CFAP299: variants seen among roughly 807,000 people sequenced by gnomAD.
CFAP299 encodes the protein cilia and flagella associated protein 299.
In CFAP299, 21 loss-of-function variants were observed where a neutral mutation model predicts 27.0. The ratio of observed to expected loss-of-function variants is 0.78; its 90% CI spans 0.55 to 1.12. The LOEUF is 1.12. Among genes scored for constraint, CFAP299 ranks in the 50% most tolerant of loss-of-function variants. CFAP299 has a pLI of 0.00. For synonymous variants in CFAP299, 104 were observed against 98.1 expected (o/e 1.06, Z -0.36); for missense variants, 310 against 276.6 (o/e 1.12, Z -0.86).
intron 2 of CFAP299, among the ~76,000 whole-genome samples, chr4:80,558,354 G>GTTTTTTTTTTT (rs1159652533): frequency 1.6e-5 from 2 of 126,444 alleles, no homozygotes; most frequent in African/African-American, 6.6e-5. Context: ...TTGTTTGTTT[G>GTTTTTTTTTTT]TTTGTTTGTT....
intron 4 of CFAP299, among the ~76,000 whole-genome samples, chr4:80,905,913 C>T (rs1168754088): frequency 6.6e-6 from 1 of 152,124 alleles, no homozygotes; most frequent in Non-Finnish European, 1.5e-5. Flanking sequence ...CCACCCTTGG[C>T]CCCTTCCAAA....
At chr4:80,687,284 C>T (rs192737140) in intron 3 of CFAP299, among the ~76,000 whole-genome samples, 164 of 152,332 alleles carry the variant, frequency 1.1e-3, no homozygotes, top group Non-Finnish European at 1.7e-3. Context: ...AGCTCTACCA[C>T]TCGTGATCTC....
chr4:80,488,687 A>G (rs370111588), intron 2 of CFAP299, among the ~76,000 whole-genome samples: 2 of 152,294 alleles, frequency 1.3e-5, no homozygotes, highest in Admixed American at 6.5e-5. Flanking sequence ...CGTGTTAGCC[A>G]GGATGGTCTC....
intron 2 of CFAP299, among the ~76,000 whole-genome samples, chr4:80,480,673 A>C (rs996215950): frequency 1.3e-5 from 2 of 152,020 alleles, no homozygotes; most frequent in Non-Finnish European, 2.9e-5. Flanking sequence ...TAATTTACTC[A>C]TAACAACTGG....
In CFAP299 at chr4:80,777,118, C is replaced by CA. The variant is rs113058648; in HGVS notation, c.334-92870dup. ...CCAGATTGCAGTTTTCAGGTGTGAT[C>CA]AAAAAGGTGACCATGCACTCCAAAA... On this transcript the variant is annotated intron_variant, in intron 3 of 5. Coordinates refer to ENST00000358105, the MANE Select transcript of CFAP299 (RefSeq NM_152770.3). Among the ~76,000 whole-genome samples, 914 of 152,102 alleles carry CA rather than the reference C, an allele frequency of 6.0e-3. 8 individuals carry two copies. The highest frequency in any genetic ancestry group is 0.021 in the African/African-American group (857 of 41,486).
At chr4:80,609,656 A>G (rs1428760298) in intron 3 of CFAP299, among the ~76,000 whole-genome samples, 2 of 152,012 alleles carry the variant, frequency 1.3e-5, no homozygotes, top group African/African-American at 4.8e-5. Context: ...TCATGGCACA[A>G]TTAATGTGTA....
At chr4:80,846,656 A>C (rs1178153262) in intron 3 of CFAP299, among the ~76,000 whole-genome samples, 1 of 152,170 alleles carries the variant, frequency 6.6e-6, no homozygotes, top group Non-Finnish European at 1.5e-5. Flanking sequence ...GTTTCTTCTT[A>C]CTGAGGAAGT....
intron 2 of CFAP299, among the ~76,000 whole-genome samples, chr4:80,581,152 A>C (rs1310555915): frequency 6.6e-6 from 1 of 151,730 alleles, no homozygotes; most frequent in African/African-American, 2.4e-5. Context: ...TTTAAAACAG[A>C]CCATAAGCAG....
intron 3 of CFAP299, among the ~76,000 whole-genome samples, chr4:80,852,793 T>C (rs1731599314): frequency 6.6e-6 from 1 of 152,198 alleles, no homozygotes; most frequent in Non-Finnish European, 1.5e-5. Flanking sequence ...TAAAGTTCTC[T>C]TTCTAATATT....
chr4:80,954,264 C>T (rs924942554), intron 5 of CFAP299, among the ~76,000 whole-genome samples: 1 of 152,122 alleles, frequency 6.6e-6, no homozygotes, highest in African/African-American at 2.4e-5. Context: ...AAAAAAAGAG[C>T]ATGTTTTTTT....
At chr4:80,931,711 A>G (rs2110219182) in intron 4 of CFAP299, among the ~76,000 whole-genome samples, 1 of 151,928 alleles carries the variant, frequency 6.6e-6, no homozygotes, top group South Asian at 2.1e-4. Context: ...AGCTAATTTT[A>G]ACATGCACGC....
At position 80,568,463 on chromosome 4, in the gene CFAP299, A is replaced by G. The variant is rs190068315; in HGVS notation, c.243-14630A>G. On this transcript the variant is annotated intron_variant, in intron 2 of 5. Transcript: ENST00000358105. ...TTTTCTCTTTACTTTCAAGAAAACT[A>G]AAAGAAAAATGACAACAATATCAAA... is the stretch of plus-strand genomic sequence containing the variant. Among the ~76,000 whole-genome samples the G allele has an allele frequency of 7.2e-5, 11 of 152,250 alleles. No homozygotes were observed. In the East Asian group the frequency reaches 2.1e-3, roughly 29 times the overall value.
At chr4:80,891,200 C>T (rs1164065250) in intron 4 of CFAP299, among the ~76,000 whole-genome samples, 1 of 148,874 alleles carries the variant, frequency 6.7e-6, no homozygotes, top group Non-Finnish European at 1.5e-5. Flanking sequence ...TTAGGTCTAA[C>T]GTTTAAATCT....
intron 3 of CFAP299, among the ~76,000 whole-genome samples, chr4:80,688,183 C>A (rs1720361299): frequency 6.6e-6 from 1 of 152,226 alleles, no homozygotes; most frequent in Non-Finnish European, 1.5e-5. Context: ...AGAGTGGAAC[C>A]CACCACAGCT....
chr4:80,612,575 T>G (rs1738046843), intron 3 of CFAP299, among the ~76,000 whole-genome samples: 1 of 152,112 alleles, frequency 6.6e-6, no homozygotes, highest in Non-Finnish European at 1.5e-5. Context: ...GAAATCTCTG[T>G]AACTGTATAA....
chr4:80,944,413 AT>A (rs1294520224), intron 4 of CFAP299, among the ~76,000 whole-genome samples: 1 of 152,172 alleles, frequency 6.6e-6, no homozygotes, highest in East Asian at 1.9e-4. Context: ...TTTATTTGGA[AT>A]TGTTTTGAAT....
intron 3 of CFAP299, among the ~76,000 whole-genome samples, chr4:80,701,233 G>T (rs1160971238): frequency 6.6e-6 from 1 of 151,992 alleles, no homozygotes; most frequent in Non-Finnish European, 1.5e-5. Context: ...AGAATCATTG[G>T]ATTGGGTTAG....
At chr4:80,750,213 T>A (rs1440067883) in intron 3 of CFAP299, among the ~76,000 whole-genome samples, 1 of 152,112 alleles carries the variant, frequency 6.6e-6, no homozygotes, top group Non-Finnish European at 1.5e-5. Context: ...TTGAAAATAA[T>A]GTGAAAAAAT....
intron 3 of CFAP299, among the ~76,000 whole-genome samples, chr4:80,696,232 C>T (rs192590589): frequency 4.4e-4 from 66 of 148,980 alleles, no homozygotes; most frequent in African/African-American, 1.6e-3. Flanking sequence ...ACCTGGGAGG[C>T]GGAGGTTGCA....
Sources: allele counts gnomAD v4.1 joint callset (sites outside exome capture counted in the v4.1 genomes callset), GRCh38; gene constraint gnomAD v4.1.1; transcripts MANE v1.5; gene names NCBI Gene and HGNC (gene_info 2026-07-23, HGNC 2026-07-21).